TRIM9: variants seen among roughly 807,000 people sequenced by gnomAD.
TRIM9 encodes E3 ubiquitin-protein ligase TRIM9.
Under a neutral mutation model 78.3 loss-of-function variants are expected in TRIM9, and 26 were observed. The ratio of observed to expected loss-of-function variants is 0.33; its 90% CI spans 0.24 to 0.46. TRIM9 has a LOEUF of 0.46. TRIM9 is among the 20% of genes least tolerant of loss of function. TRIM9 has a pLI of 1.00. For missense variants in TRIM9, 787 were observed against 1,036.4 expected, an observed-to-expected ratio of 0.76 and a Z score of 3.30; for synonymous variants, 398 against 416.5, an observed-to-expected ratio of 0.96 and a Z score of 0.54.
chr14:51,009,489 C>G (rs1478449415), intron 4 of TRIM9, among the ~76,000 whole-genome samples: 1 of 152,174 alleles, frequency 6.6e-6, no homozygotes, highest in Non-Finnish European at 1.5e-5. Flanking sequence ...TTAGACAAAT[C>G]TGAATATATG....
chr14:51,060,292 G>A (rs368786782), intron 1 of TRIM9, among the ~76,000 whole-genome samples: 18 of 152,086 alleles, frequency 1.2e-4, no homozygotes, highest in East Asian at 9.6e-4. Flanking sequence ...AACTTCCTAT[G>A]ACCATTTAGC....
chr14:51,093,384 GTC>G (rs1043032694), intron 1 of TRIM9, among the ~76,000 whole-genome samples: 1 of 152,234 alleles, frequency 6.6e-6, no homozygotes, highest in Non-Finnish European at 1.5e-5. Flanking sequence ...AGATGCACCT[GTC>G]TGGCTTCCAG....
chr14:50,996,768 G>C (rs1263686422), intron 7 of TRIM9: 1 of 985,442 alleles, frequency 1.0e-6, no homozygotes, highest in African/African-American at 1.7e-5. Flanking sequence ...TCTGGGGGAA[G>C]CTGTAGCTAC....
At chr14:51,023,882 C>G (rs892676178) in intron 2 of TRIM9, among the ~76,000 whole-genome samples, 12 of 152,188 alleles carry the variant, frequency 7.9e-5, no homozygotes, top group Non-Finnish European at 1.5e-5. Context: ...GCAAGAAAGG[C>G]ACAATTTAAA....
chr14:51,075,310 G>C (rs2062671787), intron 1 of TRIM9, among the ~76,000 whole-genome samples: 1 of 152,024 alleles, frequency 6.6e-6, no homozygotes, highest in Non-Finnish European at 1.5e-5. Flanking sequence ...CTGAAATTGG[G>C]ATGTACTTCA....
At chr14:51,035,880 A>G (rs1195925761) in intron 1 of TRIM9, among the ~76,000 whole-genome samples, 1 of 152,264 alleles carries the variant, frequency 6.6e-6, no homozygotes, top group Non-Finnish European at 1.5e-5. Flanking sequence ...AACAACGCAC[A>G]TAAAATGGTT....
intron 3 of TRIM9, among the ~76,000 whole-genome samples, chr14:51,014,870 A>T (rs2056986226): frequency 6.6e-6 from 1 of 152,074 alleles, no homozygotes; most frequent in South Asian, 2.1e-4. Flanking sequence ...AGTGGGCTGG[A>T]TTCAAGAGGT....
chr14:51,091,525 A>T (rs1177971125), intron 1 of TRIM9, among the ~76,000 whole-genome samples: 1 of 152,218 alleles, frequency 6.6e-6, no homozygotes, highest in Non-Finnish European at 1.5e-5. Flanking sequence ...TGGAGATAGA[A>T]GTACCATTAA....
At chr14:51,093,619 C>T (rs2064629296) in intron 1 of TRIM9, among the ~76,000 whole-genome samples, 1 of 152,230 alleles carries the variant, frequency 6.6e-6, no homozygotes, top group South Asian at 2.1e-4. Flanking sequence ...GGCGTCTCCC[C>T]GACCCTCCGC....
chr14:51,089,319 G>A (rs142537683), intron 1 of TRIM9: 2 of 152,140 alleles, frequency 1.3e-5, no homozygotes, highest in African/African-American at 2.4e-5. Context: ...TCCTTCTGTA[G>A]GCCAAAGTTA....
At chr14:51,021,797 G>C (rs1338840272) in intron 3 of TRIM9, among the ~76,000 whole-genome samples, 5 of 152,122 alleles carry the variant, frequency 3.3e-5, no homozygotes, top group Non-Finnish European at 5.9e-5. Flanking sequence ...GCACCAATGG[G>C]GTGATAGATG....
chr14:51,085,546 G>A (rs943326681), intron 1 of TRIM9, among the ~76,000 whole-genome samples: 2 of 152,130 alleles, frequency 1.3e-5, no homozygotes, highest in Non-Finnish European at 2.9e-5. Flanking sequence ...TTCTGAACTG[G>A]AATACGCATA....
intron 1 of TRIM9, among the ~76,000 whole-genome samples, chr14:51,027,715 T>C (rs906964450): frequency 1.3e-5 from 2 of 152,190 alleles, no homozygotes; most frequent in Non-Finnish European, 1.5e-5. Context: ...TAACTATTAA[T>C]ATTTCCAGGA....
chr14:51,084,931 G>T (rs1161081175), intron 1 of TRIM9, among the ~76,000 whole-genome samples: 2 of 152,160 alleles, frequency 1.3e-5, no homozygotes. Context: ...CCAAGATTTT[G>T]CCCTCTACAA....
rs750795249 is a variant in TRIM9, at chr14:50,979,440, C to T, written c.2272G>A (p.Asp758Asn). 1.9e-6 allele frequency: 3 copies of T among 1,614,092 alleles called. No individual in the cohort carries two copies. Among genetic ancestry groups the T allele is most frequent in the East Asian group, 2.2e-5 (1 of 44,888 alleles). Residue 758 changes from aspartate (D) to asparagine (N), a missense_variant, in exon 12 of 13, where the codon GAT becomes AAT. Coordinates refer to ENST00000684578, the MANE Select transcript of TRIM9 (RefSeq NM_001387360.1). ...GGGAAGAAGAGGCCCTCCACGTTAT[C>T]AAATGCTATGGGACCTTGTTGTTCA... Reference protein sequence around the residue: ...NDEQQGPIAFDNVEGLFFPAV... With the variant: ...NDEQQGPIAFNNVEGLFFPAV...
intron 7 of TRIM9, among the ~76,000 whole-genome samples, chr14:50,994,509 G>T (rs1338877640): frequency 6.6e-6 from 1 of 152,212 alleles, no homozygotes; most frequent in Non-Finnish European, 1.5e-5. Flanking sequence ...GATAGACTTT[G>T]TCCTACAAAG....
chr14:50,999,469 C>A (rs2054660531), intron 6 of TRIM9, among the ~76,000 whole-genome samples: 1 of 152,100 alleles, frequency 6.6e-6, no homozygotes, highest in African/African-American at 2.4e-5. Context: ...GCCAATAAAT[C>A]AACATATATG....
At chr14:50,978,965 G>A (rs1385618011) in intron 12 of TRIM9, 1 of 1,109,774 alleles carries the variant, frequency 9.0e-7, no homozygotes. Flanking sequence ...GTGCAGAGAA[G>A]ATGCTCAGAT....
chr14:50,997,863 T>C, intron 7 of TRIM9, 187 bp downstream of exon 7: 1 of 1,409,062 alleles, frequency 7.1e-7, no homozygotes, highest in Non-Finnish European at 9.3e-7. Flanking sequence ...GAATCTTTGG[T>C]TTGATCACAT....
Sources: gnomAD v4.1 joint callset for allele counts (sites outside exome capture counted in the v4.1 genomes callset) on GRCh38, gnomAD v4.1.1 for gene constraint, MANE v1.5 for transcripts, NCBI Gene and HGNC (gene_info 2026-07-23, HGNC 2026-07-21) for gene names.